Variants in IFT57 observed in about 807,000 individuals in gnomAD.
IFT57 encodes intraflagellar transport 57.
IFT57 carries 59 observed loss-of-function variants against 56.8 expected under a neutral mutation model. The observed-to-expected ratio is 1.04, with a 90% CI of 0.84 to 1.29. The LOEUF (loss-of-function observed/expected upper bound fraction) is 1.29, where lower values mean the gene tolerates loss of function less well. Ranked by LOEUF, IFT57 falls within the 50% of genes most tolerant of loss-of-function variation. IFT57 has a pLI of 0.00. For synonymous variants in IFT57, 209 were observed against 186.1 expected (o/e 1.12, Z -1.00); for missense variants, 470 against 522.1 (o/e 0.90, Z 0.97).
intron 4 of IFT57, among the ~76,000 whole-genome samples, chr3:108,210,045 G>A (rs932558149): frequency 6.6e-6 from 1 of 151,994 alleles, no homozygotes; most frequent in African/African-American, 2.4e-5. Context: ...ATGTAAACAG[G>A]CTTAGAAAAT....
In IFT57 at chr3:108,167,761, G is replaced by A. The variant is rs769687229; in HGVS notation, c.849+32C>T. 5 of 1,401,422 alleles carry A rather than the reference G, an allele frequency of 3.6e-6. No homozygotes were observed. The Admixed American group carries it at 8.7e-5, about 24-fold the overall frequency. 86.8% of individuals were successfully genotyped at this position (1,401,422 alleles called of 1,614,324 possible). ...ACAGGTGTTCCACAGATGAGTAAATGTACATTGATTCACGTAAAGTAATTC... is the reference window on the plus strand; with the variant it reads ...ACAGGTGTTCCACAGATGAGTAAATATACATTGATTCACGTAAAGTAATTC... On this transcript the variant is annotated intron_variant, in intron 7 of 10. Transcript: ENST00000264538.
chr3:108,175,666 A>G (rs2080120124), intron 6 of IFT57, among the ~76,000 whole-genome samples: 1 of 151,810 alleles, frequency 6.6e-6, no homozygotes, highest in Non-Finnish European at 1.5e-5. Context: ...TCTCCAACTC[A>G]ATGCTTAAAG....
chr3:108,189,308 A>G (rs1214401259), intron 6 of IFT57, among the ~76,000 whole-genome samples: 2 of 152,218 alleles, frequency 1.3e-5, no homozygotes, highest in Non-Finnish European at 1.5e-5. Flanking sequence ...CAGTGTAGTA[A>G]GACCTCTGTT....
Position 108,162,614 on chromosome 3 carries a change from G to C in IFT57, c.1153C>G (p.Gln385Glu), listed in dbSNP as rs2080040016. ...KIKQSLTKLKQETVEMDIRIG... is the reference protein window; with the variant it reads ...KIKQSLTKLKEETVEMDIRIG... Reference sequence around the variant, plus strand: ...CTAATGTCCATCTCTACAGTTTCTTGCTTCAGTTTTGTTAAGCTCTGTTTA... The same window carrying C: ...CTAATGTCCATCTCTACAGTTTCTTCCTTCAGTTTTGTTAAGCTCTGTTTA... Residue 385 changes from glutamine (Q) to glutamate (E), a missense_variant, in exon 11 of 11, where the codon CAA becomes GAA. Coordinates refer to ENST00000264538, the MANE Select transcript of IFT57 (RefSeq NM_018010.4). 5 of 1,611,232 alleles carry C rather than the reference G, an allele frequency of 3.1e-6. No individual in the cohort carries two copies. Among genetic ancestry groups the C allele is most frequent in the Non-Finnish European group, 4.2e-6 (5 of 1,178,470 alleles).
At chr3:108,213,879 T>C in intron 4 of IFT57, 52 bp downstream of exon 4, 1 of 1,015,732 alleles carries the variant, frequency 9.8e-7, no homozygotes. Flanking sequence ...ATTAAGAGAA[T>C]GGGAAGTGGC....
intron 6 of IFT57, among the ~76,000 whole-genome samples, chr3:108,171,696 C>T (rs1251765472): frequency 2.0e-5 from 3 of 151,694 alleles, no homozygotes; most frequent in Non-Finnish European, 4.4e-5. Flanking sequence ...TGCACCTGGA[C>T]CAAATATGGT....
In IFT57 at chr3:108,222,260, A is replaced by G. The variant is rs149187872; in HGVS notation, c.63T>C (p.Arg21=). 1.3e-5 allele frequency: 21 copies of G among 1,613,828 alleles called. No homozygotes were observed. In the African/African-American group the frequency reaches 2.7e-4, roughly 21 times the overall value. ...AGACCACTTCCCCGGTCCCTTCGCC[A>G]CGGGACCTAGGCACCCCATCTTCCA... The part of the protein sequence containing the change: ...SGLEDGVPRS[R]GEGTGEVVLE... Residue 21 remains arginine (R), a synonymous_variant, in exon 1 of 11, where the codon CGT becomes CGC. Transcript: ENST00000264538.
intron 6 of IFT57, among the ~76,000 whole-genome samples, chr3:108,179,585 G>T (rs188536913): frequency 6.6e-6 from 1 of 151,776 alleles, no homozygotes; most frequent in Non-Finnish European, 1.5e-5. Flanking sequence ...TTTCTCATTC[G>T]CAGAGTTTCT....
At chr3:108,207,825 C>T (rs949540738) in intron 4 of IFT57, among the ~76,000 whole-genome samples, 5 of 152,156 alleles carry the variant, frequency 3.3e-5, no homozygotes, top group African/African-American at 9.6e-5. Context: ...AGGCGGATCA[C>T]GAGGTCAGGA....
At chr3:108,179,655 A>G (rs1239416313) in intron 6 of IFT57, among the ~76,000 whole-genome samples, 1 of 152,026 alleles carries the variant, frequency 6.6e-6, no homozygotes, top group Non-Finnish European at 1.5e-5. Context: ...TATGTGTGAG[A>G]GAAAGAGCAA....
intron 6 of IFT57, among the ~76,000 whole-genome samples, chr3:108,189,729 A>T (rs1220953886): frequency 6.7e-6 from 1 of 149,240 alleles, no homozygotes; most frequent in East Asian, 2.0e-4. Context: ...GTTGGTCGTT[A>T]GGGGCACTGA....
At chr3:108,173,307 T>C (rs2080104695) in intron 6 of IFT57, among the ~76,000 whole-genome samples, 2 of 151,478 alleles carry the variant, frequency 1.3e-5, no homozygotes, top group Admixed American at 1.3e-4. Context: ...GTGATTACTG[T>C]GGGTGGGAAG....
At position 108,195,515 on chromosome 3, in the gene IFT57, C is replaced by T. The variant is rs143701330; in HGVS notation, c.655-3872G>A. Among the ~76,000 whole-genome samples the T allele has an allele frequency of 1.2e-3, 176 of 152,232 alleles. 1 individual carries two copies. The highest frequency in any genetic ancestry group is 4.1e-3 in the African/African-American group (171 of 41,546). On this transcript the variant is annotated intron_variant, in intron 5 of 10. Coordinates refer to ENST00000264538, the MANE Select transcript of IFT57 (RefSeq NM_018010.4). ...AATCAGTATGTTAAAGAGAAATCTG[C>T]ATTCGCATGTTTACTGCAGCACTAT...
At chr3:108,173,681 GCA>G (rs1426021882) in intron 6 of IFT57, among the ~76,000 whole-genome samples, 3 of 151,316 alleles carry the variant, frequency 2.0e-5, no homozygotes, top group East Asian at 3.9e-4. Context: ...GGTGCTCAAA[GCA>G]CAGTTTCTAC....
chr3:108,210,962 T>C (rs1415255814), intron 4 of IFT57, among the ~76,000 whole-genome samples: 1 of 152,172 alleles, frequency 6.6e-6, no homozygotes, highest in Admixed American at 6.5e-5. Context: ...CCCCCAATCA[T>C]GGTGCCTTGA....
chr3:108,162,690 C>A (rs370923488), intron 10 of IFT57, 35 bp from the exon 11 acceptor site: 1 of 1,502,876 alleles, frequency 6.7e-7, no homozygotes, highest in South Asian at 1.3e-5. Context: ...TAAAAATGTT[C>A]ATTTGGAGTA....
In IFT57 at chr3:108,181,531, T is replaced by C. The variant is rs184979442; in HGVS notation, c.777+9990A>G. On this transcript the variant is annotated intron_variant, in intron 6 of 10. Transcript: ENST00000264538. ...GTTCCCCTCGTTCTCTGAGATGTCA[T>C]GGCAGTTGAGTAATCATACAAGCTG... Among the ~76,000 whole-genome samples the C allele has an allele frequency of 1.2e-3, 180 of 152,252 alleles. 1 individual carries two copies. The highest frequency in any genetic ancestry group is 4.2e-3 in the African/African-American group (175 of 41,574).
rs68151612 is a variant in IFT57 at position 108,187,597 on chromosome 3, AG to A, written c.777+3923del. On this transcript the variant is annotated intron_variant, in intron 6 of 10. Transcript: ENST00000264538. ...TGTTTTCATGTAAGTTAAAAAAAAAAGGGGGGGAGTGTCTGAGCCTACTATG... is the reference window on the plus strand; with the variant it reads ...TGTTTTCATGTAAGTTAAAAAAAAAAGGGGGGAGTGTCTGAGCCTACTATG... Among the ~76,000 whole-genome samples the A allele has an allele frequency of 7.3e-4, 110 of 151,020 alleles. 1 individual carries two copies. The highest frequency in any genetic ancestry group is 2.3e-3 in the Admixed American group (35 of 15,144).
intron 5 of IFT57, among the ~76,000 whole-genome samples, chr3:108,200,943 T>C (rs868843825): frequency 6.6e-6 from 1 of 152,166 alleles, no homozygotes; most frequent in South Asian, 2.1e-4. Context: ...CTAATTCCAG[T>C]TTCTAGGAAA....
Sources: allele counts gnomAD v4.1 joint callset (sites outside exome capture counted in the v4.1 genomes callset), GRCh38; gene constraint gnomAD v4.1.1; transcripts MANE v1.5; gene names NCBI Gene and HGNC (gene_info 2026-07-23, HGNC 2026-07-21).